RELN: variants seen among roughly 807,000 people sequenced by gnomAD.
The protein encoded by RELN is reelin.
A neutral mutation model predicts 427.6 loss-of-function variants in RELN; 108 were observed. The ratio of observed to expected loss-of-function variants is 0.25; its 90% CI spans 0.22 to 0.30. The LOEUF is 0.30. RELN is among the 10% of genes least tolerant of loss of function. The pLI is 1.00. For synonymous variants in RELN, 1,524 were observed against 1,513.4 expected, an observed-to-expected ratio of 1.01 and a Z score of -0.16; for missense variants, 3,715 against 4,302.8, an observed-to-expected ratio of 0.86 and a Z score of 3.82.
At position 103,566,331 on chromosome 7, in the gene RELN, A is replaced by G; in HGVS notation, c.4829T>C (p.Phe1610Ser). Residue 1610 changes from phenylalanine (F) to serine (S), a missense_variant, in exon 33 of 65, where the codon TTT becomes TCT. Phe to Ser is a radical substitution (Grantham distance 155). Around this residue, in one of 4 missense-constraint regions of RELN, gnomAD observed 2,208 missense variants for 2,361.7 expected, o/e 0.93. Coordinates refer to ENST00000428762, the MANE Select transcript of RELN (RefSeq NM_005045.4). The part of the protein sequence containing the change: ...DSSQTGFQDK[F>S]DGSIDLQANW... ...GGCTTGCAAATCTATAGAGCCATCA[A>G]ATTTGTCTTGAAATCCAGTTTGAGA... The G allele has an allele frequency of 1.2e-6, 2 of 1,614,118 alleles. No individual in the cohort carries two copies. Among genetic ancestry groups the G allele is most frequent in the Non-Finnish European group, 1.7e-6 (2 of 1,179,992 alleles).
chr7:103,729,898 C>T (rs1000760807), intron 6 of RELN, among the ~76,000 whole-genome samples: 3 of 151,628 alleles, frequency 2.0e-5, no homozygotes, highest in Admixed American at 6.6e-5. Flanking sequence ...TCCTCTACTC[C>T]AGAATTTTAT....
intron 24 of RELN, among the ~76,000 whole-genome samples, chr7:103,601,803 A>G (rs1032166359): frequency 6.6e-6 from 1 of 152,202 alleles, no homozygotes; most frequent in Non-Finnish European, 1.5e-5. Context: ...ACCAAGCGAC[A>G]CAGGTTGAGG....
At chr7:103,802,897 T>A (rs970690524) in intron 3 of RELN, among the ~76,000 whole-genome samples, 1 of 152,152 alleles carries the variant, frequency 6.6e-6, no homozygotes, top group Non-Finnish European at 1.5e-5. Flanking sequence ...AATATAAAAC[T>A]GCTTTAAGAA....
intron 52 of RELN, 29 bp from the exon 53 acceptor site, chr7:103,500,951 A>AAAAAC: frequency 6.2e-7 from 1 of 1,611,782 alleles, no homozygotes; most frequent in Non-Finnish European, 8.5e-7. Context: ...CAAAGGAGTG[A>AAAAAC]AAAACAAAAG....
chr7:103,640,604 T>A lies in RELN; in HGVS notation c.2008A>T (p.Ile670Phe). The A allele has an allele frequency of 1.2e-6, 2 of 1,613,722 alleles. No individual in the cohort carries two copies. Among genetic ancestry groups the A allele is most frequent in the Non-Finnish European group, 1.7e-6 (2 of 1,179,814 alleles). The change falls in exon 17 of 65, where the codon ATT (isoleucine) becomes TTT (phenylalanine). Residue 670 changes from isoleucine (I) to phenylalanine (F), a missense_variant. Coordinates refer to ENST00000428762, the MANE Select transcript of RELN (RefSeq NM_005045.4). The surrounding 1 kb of genome is among the most constrained non-coding windows in gnomAD (Gnocchi z 4.1). ...CAGAATTTGAGACATGACGGGCCAA[T>A]ATAAACTGTGGGAGGGAAAAAGAGA... ...GNMWAIDNVY[I>F]GPSCLKFCSG... is the part of the protein sequence containing the mutation.
At chr7:103,561,430 A>T in intron 36 of RELN, 102 bp downstream of exon 36, 1 of 953,226 alleles carries the variant, frequency 1.0e-6, no homozygotes, top group Non-Finnish European at 1.7e-6. Context: ...ATTAAATATT[A>T]TGTCATTTGA....
At chr7:103,810,623 T>A (rs532490337) in intron 3 of RELN, among the ~76,000 whole-genome samples, 65 of 152,220 alleles carry the variant, frequency 4.3e-4, no homozygotes, top group African/African-American at 1.5e-3. Context: ...GTGCTCCTGG[T>A]TGCAGCACTG....
intron 2 of RELN, among the ~76,000 whole-genome samples, chr7:103,891,483 A>G (rs968447665): frequency 2.0e-5 from 3 of 152,030 alleles, no homozygotes; most frequent in African/African-American, 7.3e-5. Flanking sequence ...AACCCCTACT[A>G]TAATAGTGAG....
At chr7:103,643,936 T>C (rs184404856) in intron 16 of RELN, among the ~76,000 whole-genome samples, 116 of 151,932 alleles carry the variant, frequency 7.6e-4, no homozygotes, top group African/African-American at 2.6e-3. Context: ...AGGTTGAAAA[T>C]TATTGCCTCT....
intron 3 of RELN, among the ~76,000 whole-genome samples, chr7:103,816,883 G>A: frequency 6.6e-6 from 1 of 151,656 alleles, no homozygotes; most frequent in East Asian, 1.9e-4. Flanking sequence ...GCAGAGTCTT[G>A]CTGCGATGCC....
intron 27 of RELN, among the ~76,000 whole-genome samples, chr7:103,590,901 T>C (rs1464743308): frequency 1.3e-5 from 2 of 152,350 alleles, no homozygotes; most frequent in Admixed American, 1.3e-4. Context: ...ATACATAGCG[T>C]TGCAGAGAAT....
chr7:103,790,112 C>T (rs1020111116), intron 3 of RELN, among the ~76,000 whole-genome samples: 1 of 152,132 alleles, frequency 6.6e-6, no homozygotes, highest in African/African-American at 2.4e-5. Context: ...CAGGTTCTCA[C>T]TCATAAGTGG....
chr7:103,904,410 A>G (rs59876366), intron 2 of RELN, among the ~76,000 whole-genome samples: 28,828 of 151,970 alleles, frequency 0.19, 3,455 homozygotes, highest in South Asian at 0.38. Context: ...TTCTGGTTCT[A>G]GATCCTTAGG....
intron 4 of RELN, among the ~76,000 whole-genome samples, chr7:103,768,837 C>T (rs1043804799): frequency 1.3e-5 from 2 of 152,044 alleles, no homozygotes; most frequent in African/African-American, 4.8e-5. Flanking sequence ...AATTTTCCTT[C>T]GATTCTTGAG....
At chr7:103,690,099 C>T (rs1833842376) in intron 10 of RELN, among the ~76,000 whole-genome samples, 1 of 152,122 alleles carries the variant, frequency 6.6e-6, no homozygotes, top group South Asian at 2.1e-4. Context: ...GAAATGCTAT[C>T]AATACTTCTA....
At chr7:103,653,413 A>T (rs1304524582) in intron 13 of RELN, among the ~76,000 whole-genome samples, 2 of 152,028 alleles carry the variant, frequency 1.3e-5, no homozygotes, top group Non-Finnish European at 2.9e-5. Flanking sequence ...TGTCTTTCTA[A>T]CTTAAACCCT....
At chr7:103,611,221 T>C (rs566975040) in intron 21 of RELN, among the ~76,000 whole-genome samples, 2 of 152,182 alleles carry the variant, frequency 1.3e-5, no homozygotes, top group Non-Finnish European at 2.9e-5. Context: ...ATTTCTTCTT[T>C]GTTTCTAAAG....
In RELN at chr7:103,743,291, C is replaced by T. The variant is rs572494158; in HGVS notation, c.656+6135G>A. Among the ~76,000 whole-genome samples, 7 of 152,252 alleles carry T rather than the reference C, an allele frequency of 4.6e-5. No individual in the cohort carries two copies. In the South Asian group the frequency reaches 8.3e-4, roughly 18 times the overall value. ...TAAACATGGAAAGGAACAACCGGTA[C>T]CAGCCACTGCAAAAACATGCCAAAT... On this transcript the variant is annotated intron_variant, in intron 6 of 64. Coordinates refer to ENST00000428762, the MANE Select transcript of RELN (RefSeq NM_005045.4).
At chr7:103,689,460 G>C (rs192918566) in intron 10 of RELN, among the ~76,000 whole-genome samples, 3 of 152,108 alleles carry the variant, frequency 2.0e-5, no homozygotes, top group African/African-American at 7.2e-5. Flanking sequence ...TTTATTAACT[G>C]TGAGTGAGCA....
Sources: allele counts gnomAD v4.1 joint callset (sites outside exome capture counted in the v4.1 genomes callset), GRCh38; gene constraint gnomAD v4.1.1; regional missense constraint gnomAD v4.1.1; non-coding constraint Gnocchi (gnomAD v3.1); transcripts MANE v1.5; gene names NCBI Gene and HGNC (gene_info 2026-07-23, HGNC 2026-07-21).